Variants in SEPTIN10 observed in about 807,000 individuals in gnomAD.
SEPTIN10 encodes septin 10, also known as septin-10.
Under a neutral mutation model 54.8 loss-of-function variants are expected in SEPTIN10, and 66 were observed. That is an observed-to-expected ratio of 1.21 (90% confidence interval 0.99 to 1.48). The LOEUF (loss-of-function observed/expected upper bound fraction) is 1.48. SEPTIN10 is among the 40% of genes most tolerant of loss of function. The pLI is 0.00. For missense variants in SEPTIN10, 620 were observed against 545.6 expected (o/e 1.14, Z -1.36); for synonymous variants, 161 against 181.0 (o/e 0.89, Z 0.89).
chr2:109,572,068 G>A (rs571316594), intron 5 of SEPTIN10, among the ~76,000 whole-genome samples: 10 of 152,272 alleles, frequency 6.6e-5, no homozygotes, highest in Admixed American at 2.6e-4. Flanking sequence ...TAAATGCTTC[G>A]TAATATTCAT....
chr2:109,575,951 G>A (rs545809002), intron 4 of SEPTIN10, among the ~76,000 whole-genome samples: 2 of 152,234 alleles, frequency 1.3e-5, no homozygotes, highest in South Asian at 4.1e-4. Context: ...TTATACATCT[G>A]TATTTTCCAC....
chr2:109,555,746 C>CTAATAAA, intron 8 of SEPTIN10, among the ~76,000 whole-genome samples: 1 of 152,226 alleles, frequency 6.6e-6, no homozygotes, highest in Non-Finnish European at 1.5e-5. Flanking sequence ...CCTGTTCTTT[C>CTAATAAA]TACCCAATAA....
chr2:109,613,427 A>C (rs2106414004), intron 1 of SEPTIN10: 1 of 310,924 alleles, frequency 3.2e-6, no homozygotes, highest in South Asian at 2.8e-5. Context: ...TCACGGCTGC[A>C]AAAGATGACC....
intron 1 of SEPTIN10, among the ~76,000 whole-genome samples, chr2:109,599,072 T>A (rs1276393499): frequency 6.6e-6 from 1 of 152,050 alleles, no homozygotes; most frequent in Non-Finnish European, 1.5e-5. Flanking sequence ...TGATCTAAAA[T>A]TTTCTTAAAA....
chr2:109,563,245 C>T (rs1686127002), intron 8 of SEPTIN10, among the ~76,000 whole-genome samples: 2 of 152,078 alleles, frequency 1.3e-5, no homozygotes, highest in African/African-American at 2.4e-5. Flanking sequence ...CATTATGCTA[C>T]CAGAAGTGAA....
intron 1 of SEPTIN10, among the ~76,000 whole-genome samples, chr2:109,597,204 G>A (rs1405863503): frequency 6.6e-6 from 1 of 152,188 alleles, no homozygotes; most frequent in East Asian, 1.9e-4. Flanking sequence ...GCCTCCCAAA[G>A]TGATAGGATT....
chr2:109,551,104 G>A (rs1331830896), intron 9 of SEPTIN10, among the ~76,000 whole-genome samples: 2 of 152,122 alleles, frequency 1.3e-5, no homozygotes, highest in Non-Finnish European at 2.9e-5. Context: ...TGTCAATAAA[G>A]GAATAGGGAA....
chr2:109,613,074 G>T, intron 1 of SEPTIN10: 2 of 622,270 alleles, frequency 3.2e-6, no homozygotes, highest in Non-Finnish European at 5.3e-6. Flanking sequence ...GAATACACAG[G>T]CATCGGGCCT....
At chr2:109,592,202 C>T (rs1029050424) in intron 2 of SEPTIN10, among the ~76,000 whole-genome samples, 39 of 151,916 alleles carry the variant, frequency 2.6e-4, no homozygotes, top group Admixed American at 8.5e-4. Context: ...TGGTGGCTCA[C>T]GCCTGTAATC....
At chr2:109,549,284 G>C (rs960357460) in intron 9 of SEPTIN10, among the ~76,000 whole-genome samples, 3 of 152,158 alleles carry the variant, frequency 2.0e-5, no homozygotes, top group African/African-American at 4.8e-5. Context: ...ATAGCTCTCT[G>C]GTTACTCAAA....
chr2:109,603,861 G>A (rs1206537412), intron 1 of SEPTIN10, among the ~76,000 whole-genome samples: 2 of 151,862 alleles, frequency 1.3e-5, no homozygotes, highest in African/African-American at 2.4e-5. Flanking sequence ...TGGTGAAACC[G>A]TCTCTAATTA....
intron 6 of SEPTIN10, among the ~76,000 whole-genome samples, chr2:109,566,340 C>T (rs765834905): frequency 1.3e-5 from 2 of 151,848 alleles, no homozygotes; most frequent in South Asian, 2.1e-4. Flanking sequence ...AGGCTTGTCT[C>T]GAACTCCTGA....
chr2:109,609,210 T>C (rs1447305564), intron 1 of SEPTIN10, among the ~76,000 whole-genome samples: 2 of 152,146 alleles, frequency 1.3e-5, no homozygotes, highest in East Asian at 1.9e-4. Context: ...CCTGGCTGCC[T>C]GCAAGCATTT....
At chr2:109,594,814 T>TA (rs1386614869) in intron 1 of SEPTIN10, 1 of 152,126 alleles carries the variant, frequency 6.6e-6, no homozygotes, top group Non-Finnish European at 1.5e-5. Context: ...AAATTTCATA[T>TA]ATGCTAACAA....
chr2:109,548,569 A>G (rs955112809), intron 9 of SEPTIN10, among the ~76,000 whole-genome samples: 5 of 152,150 alleles, frequency 3.3e-5, no homozygotes, highest in African/African-American at 1.2e-4. Context: ...TGAGCTCAGG[A>G]GTTCAAGACC....
At chr2:109,572,423 G>A (rs920255629) in intron 5 of SEPTIN10, among the ~76,000 whole-genome samples, 5 of 150,746 alleles carry the variant, frequency 3.3e-5, no homozygotes, top group East Asian at 2.0e-4. Flanking sequence ...ACGAGCCACC[G>A]TACCTGGCCT....
rs747274423 is a variant in SEPTIN10 at position 109,564,411 on chromosome 2, TC to T, written c.982del (p.Glu328ArgfsTer39). The T allele has an allele frequency of 6.3e-7, 1 of 1,593,064 alleles. No individual in the cohort carries two copies. The highest frequency in any genetic ancestry group is 8.6e-7 in the Non-Finnish European group (1 of 1,167,108). On this transcript the variant is annotated frameshift_variant, in exon 8 of 11. Transcript: ENST00000397712. LOFTEE classifies it high-confidence loss of function. Reference sequence around the variant, plus strand: ...GCCCACATCTGTAAAGCCCATTTCCTCCAGTTTGCAGCGCCTGTAAAGCTCA... The same window carrying T: ...GCCCACATCTGTAAAGCCCATTTCCTCAGTTTGCAGCGCCTGTAAAGCTCA... Reference protein sequence around the residue: ...HYELYRRCKLEEMGFTDVGPE... With the variant: ...HYELYRRCKLXEMGFTDVGPE...
intron 5 of SEPTIN10, among the ~76,000 whole-genome samples, chr2:109,568,201 TACAACAGCAGAGATG>T (rs1183747816): frequency 6.6e-6 from 1 of 152,050 alleles, no homozygotes; most frequent in Non-Finnish European, 1.5e-5. Context: ...GCGTTCACAC[TACAACAGCAGAGATG>T]AGTTGCTGCT....
At position 109,544,186 on chromosome 2, in the gene SEPTIN10, T is replaced by C; in HGVS notation, c.*123A>G. The C allele has an allele frequency of 6.3e-7, 1 of 1,597,842 alleles. No homozygotes were observed. The highest frequency in any genetic ancestry group is 8.5e-7 in the Non-Finnish European group (1 of 1,172,528). On this transcript the variant is annotated 3_prime_UTR_variant, in exon 11 of 11. Transcript: ENST00000397712. The stretch of plus-strand genomic sequence containing the variant: ...GTACTTTTCCATAAATATCAGTAAC[T>C]GTGGCTGTTCACCAAATATAGAAGT...
Sources: allele counts gnomAD v4.1 joint callset (sites outside exome capture counted in the v4.1 genomes callset), GRCh38; gene constraint gnomAD v4.1.1; transcripts MANE v1.5; gene names NCBI Gene and HGNC (gene_info 2026-07-23, HGNC 2026-07-21).